The following GPC6 variants were observed in gnomAD, a reference collection of about 807,000 sequenced individuals.
GPC6 encodes the protein glypican 6.
GPC6 carries 14 observed loss-of-function variants against 55.2 expected under a neutral mutation model. The observed-to-expected ratio is 0.25, with a 90% CI of 0.17 to 0.40. The LOEUF (loss-of-function observed/expected upper bound fraction) is 0.40. Among genes scored for constraint, GPC6 ranks in the 10% least tolerant of loss-of-function variants. The pLI is 1.00. For synonymous variants in GPC6, 278 were observed against 259.6 expected, an observed-to-expected ratio of 1.07 and a Z score of -0.68; for missense variants, 641 against 708.5, an observed-to-expected ratio of 0.90 and a Z score of 1.08.
At chr13:94,168,773 G>A (rs1423168785) in intron 4 of GPC6, among the ~76,000 whole-genome samples, 4 of 149,852 alleles carry the variant, frequency 2.7e-5, no homozygotes, top group African/African-American at 9.8e-5. Context: ...GGCGAATATA[G>A]ATGGGATTCA....
chr13:93,970,817 C>T (rs1216270270), intron 3 of GPC6, among the ~76,000 whole-genome samples: 1 of 152,096 alleles, frequency 6.6e-6, no homozygotes, highest in Non-Finnish European at 1.5e-5. Flanking sequence ...AGAGTTTAGC[C>T]TCAAAGGAAA....
intron 6 of GPC6, among the ~76,000 whole-genome samples, chr13:94,358,926 T>C (rs1324346495): frequency 6.6e-6 from 1 of 152,228 alleles, no homozygotes; most frequent in Non-Finnish European, 1.5e-5. Flanking sequence ...GAAAGAGATT[T>C]CTAAGTGTCT....
At chr13:93,728,164 G>A (rs764644493) in intron 2 of GPC6, among the ~76,000 whole-genome samples, 2 of 151,710 alleles carry the variant, frequency 1.3e-5, no homozygotes, top group Non-Finnish European at 2.9e-5. Flanking sequence ...TTGCAGACTC[G>A]CTTTCTTCAG....
chr13:93,448,257 AT>A (rs59144555), intron 1 of GPC6, among the ~76,000 whole-genome samples: 100 of 152,312 alleles, frequency 6.6e-4, no homozygotes, highest in African/African-American at 2.2e-3. Flanking sequence ...TGAAATACTT[AT>A]CATTGTGGTA....
intron 2 of GPC6, among the ~76,000 whole-genome samples, chr13:93,705,526 C>A (rs1029146084): frequency 6.6e-6 from 1 of 151,850 alleles, no homozygotes; most frequent in Non-Finnish European, 1.5e-5. Context: ...TTGAGAAGCA[C>A]TAGTTCTCAA....
chr13:93,638,791 G>T (rs541658648), intron 2 of GPC6, among the ~76,000 whole-genome samples: 1 of 152,042 alleles, frequency 6.6e-6, no homozygotes, highest in Non-Finnish European at 1.5e-5. Flanking sequence ...CATGGAAGAA[G>T]GTATAAAGTT....
intron 2 of GPC6, among the ~76,000 whole-genome samples, chr13:93,703,956 C>T (rs1346031261): frequency 6.6e-6 from 1 of 151,918 alleles, no homozygotes; most frequent in East Asian, 1.9e-4. Context: ...TGATAGAGCA[C>T]AATTTAAACA....
intron 3 of GPC6, among the ~76,000 whole-genome samples, chr13:93,903,867 G>A (rs1028549753): frequency 6.6e-6 from 1 of 152,128 alleles, no homozygotes; most frequent in East Asian, 1.9e-4. Flanking sequence ...TATGTGATCA[G>A]TTATTAGTGC....
intron 4 of GPC6, among the ~76,000 whole-genome samples, chr13:94,185,733 G>A (rs573538916): frequency 4.4e-4 from 67 of 152,216 alleles, no homozygotes; most frequent in South Asian, 1.7e-3. Context: ...CATCCCCAGC[G>A]TGGAGCTCAG....
At chr13:93,523,481 A>G (rs531351694) in intron 1 of GPC6, among the ~76,000 whole-genome samples, 112 of 151,726 alleles carry the variant, frequency 7.4e-4, no homozygotes, top group African/African-American at 2.4e-3. Context: ...TTACACACAT[A>G]CACATACATA....
At chr13:93,538,804 AT>A (rs895129799) in intron 1 of GPC6, among the ~76,000 whole-genome samples, 10 of 152,236 alleles carry the variant, frequency 6.6e-5, no homozygotes, top group Non-Finnish European at 1.3e-4. Context: ...TTCAGGAAAG[AT>A]TTTCTCTTTA....
intron 2 of GPC6, among the ~76,000 whole-genome samples, chr13:93,635,730 GTTACT>G (rs1879663407): frequency 6.6e-6 from 1 of 152,158 alleles, no homozygotes; most frequent in East Asian, 1.9e-4. Context: ...GTCTAAGCAC[GTTACT>G]TCAGTTTTGA....
At chr13:93,303,236 TCAGTTTACCTTTTCAA>T (rs1878741287) in intron 1 of GPC6, among the ~76,000 whole-genome samples, 1 of 152,204 alleles carries the variant, frequency 6.6e-6, no homozygotes, top group Non-Finnish European at 1.5e-5. Flanking sequence ...TTACTGTCCC[TCAGTTTACCTTTTCAA>T]CAGTTCAAAT....
chr13:93,892,083 C>A (rs748636348), intron 3 of GPC6, among the ~76,000 whole-genome samples: 1 of 152,002 alleles, frequency 6.6e-6, no homozygotes, highest in Non-Finnish European at 1.5e-5. Flanking sequence ...CATGTACACA[C>A]TACACATACA....
At chr13:93,488,951 C>G (rs1028140794) in intron 1 of GPC6, among the ~76,000 whole-genome samples, 1 of 151,972 alleles carries the variant, frequency 6.6e-6, no homozygotes, top group African/African-American at 2.4e-5. Context: ...GTTTCTTTTG[C>G]TGTGCAGAAG....
In GPC6 at chr13:93,564,179, G is replaced by A. The variant is rs569541081; in HGVS notation, c.319+18758G>A. 3.9e-5 allele frequency among the ~76,000 whole-genome samples: 6 copies of A among 152,136 alleles called. 1 individual carries two copies. Among genetic ancestry groups the A allele is most frequent in the African/African-American group, 1.4e-4 (6 of 41,520 alleles). ...ACTAAGGATGAAATAGTTAAAACTTGTAAAGATTCTGTAAAACCTTAAAAA... is the reference window on the plus strand; with the variant it reads ...ACTAAGGATGAAATAGTTAAAACTTATAAAGATTCTGTAAAACCTTAAAAA... On this transcript the variant is annotated intron_variant, in intron 2 of 8. Transcript: ENST00000377047.
intron 3 of GPC6, among the ~76,000 whole-genome samples, chr13:93,856,786 T>C (rs1888629518): frequency 6.6e-6 from 1 of 151,590 alleles, no homozygotes; most frequent in African/African-American, 2.4e-5. Context: ...AGGAATGGAT[T>C]GTGAGTCTTG....
chr13:93,235,141 T>C (rs1158592112), intron 1 of GPC6, among the ~76,000 whole-genome samples: 1 of 152,198 alleles, frequency 6.6e-6, no homozygotes, highest in Non-Finnish European at 1.5e-5. Flanking sequence ...GTACCAAATA[T>C]CATTACTGAT....
chr13:93,665,322 A>G (rs547690700), intron 2 of GPC6, among the ~76,000 whole-genome samples: 43 of 152,342 alleles, frequency 2.8e-4, no homozygotes, highest in Middle Eastern at 3.4e-3. Context: ...ATATTGATAA[A>G]TGTAAAAATC....
Sources: allele counts gnomAD v4.1 joint callset (sites outside exome capture counted in the v4.1 genomes callset), GRCh38; gene constraint gnomAD v4.1.1; transcripts MANE v1.5; gene names NCBI Gene and HGNC (gene_info 2026-07-23, HGNC 2026-07-21).